The following ADGRB3 variants were observed in gnomAD, a reference collection of about 807,000 sequenced individuals.
The protein encoded by ADGRB3 is adhesion G protein-coupled receptor B3, also known as brain-specific angiogenesis inhibitor 3.
Under a neutral mutation model 193.4 loss-of-function variants are expected in ADGRB3, and 37 were observed. The ratio of observed to expected loss-of-function variants is 0.19; its 90% CI spans 0.15 to 0.25. The LOEUF is 0.25. ADGRB3 is among the 10% of genes least tolerant of loss of function. The probability of loss-of-function intolerance (pLI) is 1.00; values close to 1 mark genes in which losing one functional copy is unlikely to be tolerated. For synonymous variants in ADGRB3, 690 were observed against 644.2 expected (o/e 1.07, Z -1.08); for missense variants, 1,637 against 1,852.9 (o/e 0.88, Z 2.14).
At chr6:68,856,738 G>C (rs568074773) in intron 3 of ADGRB3, among the ~76,000 whole-genome samples, 1 of 152,352 alleles carries the variant, frequency 6.6e-6, no homozygotes, top group Admixed American at 6.5e-5. Context: ...ATTCAAGCTA[G>C]CTGCAGAAAT....
chr6:69,258,838 G>A (rs1766839105), intron 20 of ADGRB3, among the ~76,000 whole-genome samples: 1 of 152,154 alleles, frequency 6.6e-6, no homozygotes, highest in South Asian at 2.1e-4. Flanking sequence ...ACCTTCAGGA[G>A]TTGAACGGAT....
chr6:69,156,995 T>G (rs1343655630), intron 17 of ADGRB3, among the ~76,000 whole-genome samples: 1 of 152,140 alleles, frequency 6.6e-6, no homozygotes, highest in Non-Finnish European at 1.5e-5. Flanking sequence ...ACACTATGTT[T>G]CCCTAAGCCA....
At chr6:68,693,502 G>A (rs560809117) in intron 3 of ADGRB3, among the ~76,000 whole-genome samples, 53 of 151,980 alleles carry the variant, frequency 3.5e-4, no homozygotes, top group Non-Finnish European at 6.0e-4. Context: ...GGAAACTCAA[G>A]TTGAAAGCAA....
At chr6:68,794,387 A>G (rs959477818) in intron 3 of ADGRB3, among the ~76,000 whole-genome samples, 1 of 152,080 alleles carries the variant, frequency 6.6e-6, no homozygotes, top group Admixed American at 6.6e-5. Flanking sequence ...GAAAAATAAA[A>G]TATAAGAATT....
intron 3 of ADGRB3, among the ~76,000 whole-genome samples, chr6:68,876,289 G>A (rs924892056): frequency 1.3e-5 from 2 of 151,992 alleles, no homozygotes; most frequent in African/African-American, 4.8e-5. Context: ...TGGGATAGAT[G>A]GAGCCTTCTT....
intron 17 of ADGRB3, among the ~76,000 whole-genome samples, chr6:69,106,578 A>G (rs1773222455): frequency 6.6e-6 from 1 of 152,202 alleles, no homozygotes; most frequent in Admixed American, 6.5e-5. Flanking sequence ...AATTACCATC[A>G]CTGGTCAGAT....
intron 8 of ADGRB3, among the ~76,000 whole-genome samples, chr6:68,958,192 C>T (rs1176508884): frequency 6.6e-6 from 1 of 151,726 alleles, no homozygotes; most frequent in Non-Finnish European, 1.5e-5. Context: ...CAGAGCAAGA[C>T]TCTGTCTCGA....
At chr6:68,926,492 C>T (rs920337544) in intron 3 of ADGRB3, among the ~76,000 whole-genome samples, 4 of 151,994 alleles carry the variant, frequency 2.6e-5, no homozygotes, top group Non-Finnish European at 4.4e-5. Flanking sequence ...AGTGGTTTTA[C>T]GAATCCCATA....
At chr6:69,223,036 C>T (rs1765931353) in intron 17 of ADGRB3, among the ~76,000 whole-genome samples, 1 of 151,954 alleles carries the variant, frequency 6.6e-6, no homozygotes, top group South Asian at 2.1e-4. Context: ...GCCACTCCAC[C>T]CATCTCTATT....
chr6:69,234,133 T>C (rs1433945722), intron 18 of ADGRB3, among the ~76,000 whole-genome samples: 1 of 152,180 alleles, frequency 6.6e-6, no homozygotes, highest in African/African-American at 2.4e-5. Context: ...GCATCACTCT[T>C]CTTACTAATT....
chr6:68,772,877 ACAAAC>A (rs1467431325), intron 3 of ADGRB3, among the ~76,000 whole-genome samples: 354 of 27,618 alleles, frequency 0.013, 2 homozygotes, highest in Middle Eastern at 0.033. Context: ...AAACAAACAA[ACAAAC>A]AAAAAAAAAA....
At chr6:68,955,384 G>T (rs1768043739) in intron 6 of ADGRB3, among the ~76,000 whole-genome samples, 1 of 152,120 alleles carries the variant, frequency 6.6e-6, no homozygotes, top group Admixed American at 6.6e-5. Context: ...AGCTCGATAA[G>T]GTCTTGCTCA....
rs183181072 is a variant in ADGRB3, at chr6:68,993,071, A to G, written c.1735-697A>G. Among the ~76,000 whole-genome samples, 170 of 152,280 alleles carry G rather than the reference A, an allele frequency of 1.1e-3. 3 individuals carry two copies. The highest frequency in any genetic ancestry group is 0.011 in the Admixed American group (167 of 15,284). On this transcript the variant is annotated intron_variant, in intron 10 of 31. Transcript: ENST00000370598. Reference sequence around the variant, plus strand: ...TGTTTTTCCTCCCTTGAACTGTACAACAAGCAAATATAAGAATTGGCAGCA... The same window carrying G: ...TGTTTTTCCTCCCTTGAACTGTACAGCAAGCAAATATAAGAATTGGCAGCA...
intron 17 of ADGRB3, among the ~76,000 whole-genome samples, chr6:69,089,286 A>G (rs1483179837): frequency 1.3e-5 from 2 of 152,214 alleles, no homozygotes; most frequent in African/African-American, 2.4e-5. Flanking sequence ...TTAACATGAG[A>G]TATATATTGA....
At chr6:69,237,582 T>C (rs986447238) in intron 19 of ADGRB3, among the ~76,000 whole-genome samples, 20 of 152,156 alleles carry the variant, frequency 1.3e-4, no homozygotes, top group Non-Finnish European at 2.1e-4. Flanking sequence ...AAGGCAACAA[T>C]AGGGCTCAGT....
chr6:68,898,596 C>T, intron 3 of ADGRB3, among the ~76,000 whole-genome samples: 1 of 151,940 alleles, frequency 6.6e-6, no homozygotes, highest in East Asian at 1.9e-4. Flanking sequence ...AACATGACTC[C>T]CCAACCCTTA....
chr6:69,285,387 A>T (rs1767526366), intron 20 of ADGRB3, among the ~76,000 whole-genome samples: 1 of 152,130 alleles, frequency 6.6e-6, no homozygotes, highest in African/African-American at 2.4e-5. Context: ...TCTTTTAAAA[A>T]TAGTACTGTC....
intron 17 of ADGRB3, among the ~76,000 whole-genome samples, chr6:69,202,034 T>C (rs901237255): frequency 6.6e-6 from 1 of 152,176 alleles, no homozygotes; most frequent in Non-Finnish European, 1.5e-5. Context: ...ACACCATTCC[T>C]GCATGCCAGC....
At chr6:68,741,196 T>C (rs1765973721) in intron 3 of ADGRB3, among the ~76,000 whole-genome samples, 1 of 152,156 alleles carries the variant, frequency 6.6e-6, no homozygotes, top group Non-Finnish European at 1.5e-5. Context: ...AGTGTTTACA[T>C]TTGTTAACAC....
Sources: gnomAD v4.1 joint callset for allele counts (sites outside exome capture counted in the v4.1 genomes callset) on GRCh38, gnomAD v4.1.1 for gene constraint, MANE v1.5 for transcripts, NCBI Gene and HGNC (gene_info 2026-07-23, HGNC 2026-07-21) for gene names.